Variants in ANK3 observed in about 807,000 individuals in gnomAD.
The protein encoded by ANK3 is ankyrin 3, also known as ankyrin-3.
Under a neutral mutation model 370.9 loss-of-function variants are expected in ANK3, and 57 were observed. That is an observed-to-expected ratio of 0.15 (90% CI 0.12 to 0.19). ANK3 has a LOEUF of 0.19. Ranked by LOEUF, ANK3 falls within the 10% of genes least tolerant of loss-of-function variation. The pLI is 1.00. For missense variants in ANK3, 4,439 were observed against 5,302.1 expected (o/e 0.84, Z 5.06); for synonymous variants, 1,929 against 1,946.3 (o/e 0.99, Z 0.23).
intron 1 of ANK3, chr10:60,685,174 T>G (rs2079251198): frequency 4.1e-6 from 2 of 489,800 alleles, no homozygotes; most frequent in African/African-American, 4.0e-5. Context: ...CTGTCTGCCC[T>G]CCTGGATGCT....
At chr10:60,540,546 T>A (rs1160234658) in intron 2 of ANK3, among the ~76,000 whole-genome samples, 1 of 151,910 alleles carries the variant, frequency 6.6e-6, no homozygotes, top group African/African-American at 2.4e-5. Flanking sequence ...AACCATTTAC[T>A]GAGTTAATCC....
chr10:60,433,765 T>C (rs2064091179), intron 2 of ANK3, among the ~76,000 whole-genome samples: 1 of 152,188 alleles, frequency 6.6e-6, no homozygotes, highest in East Asian at 1.9e-4. Context: ...TCTTACTACA[T>C]CATCGAGATA....
chr10:60,093,225 C>T (rs1300791371), intron 28 of ANK3, among the ~76,000 whole-genome samples: 1 of 152,174 alleles, frequency 6.6e-6, no homozygotes, highest in Non-Finnish European at 1.5e-5. Context: ...AAGTTCATAA[C>T]TCATGCTGCA....
At chr10:60,215,749 G>A (rs954259216) in intron 8 of ANK3, among the ~76,000 whole-genome samples, 2 of 152,150 alleles carry the variant, frequency 1.3e-5, no homozygotes, top group Non-Finnish European at 2.9e-5. Flanking sequence ...GGTTACTGTA[G>A]CCTTGTAGTG....
intron 26 of ANK3, among the ~76,000 whole-genome samples, chr10:60,111,119 G>A (rs10994202): frequency 0.013 from 2,039 of 152,266 alleles, 44 homozygotes; most frequent in African/African-American, 0.047. Flanking sequence ...TGGATTGATG[G>A]GTGGATAGAT....
At chr10:60,358,898 A>C (rs569966853) in intron 1 of ANK3, among the ~76,000 whole-genome samples, 10 of 152,018 alleles carry the variant, frequency 6.6e-5, no homozygotes, top group African/African-American at 2.4e-4. Context: ...CTCAAATGTC[A>C]TCTCTTCTGA....
Position 60,673,234 on chromosome 10 carries a change from C to T in ANK3, c.58-58010G>A, listed in dbSNP as rs530514828. Among the ~76,000 whole-genome samples, 17 of 152,046 alleles carry T rather than the reference C, an allele frequency of 1.1e-4. 1 individual carries two copies. The highest frequency in any genetic ancestry group is 1.0e-3 in the Admixed American group (16 of 15,266). On this transcript the variant is annotated intron_variant, in intron 1 of 43. Coordinates refer to the ANK3 transcript ENST00000373827. ...ATAGGCACAGAAGAGGAAAGACATTCATGAGAGATTAGAAGGTCCCATTCC... is the reference window on the plus strand; with the variant it reads ...ATAGGCACAGAAGAGGAAAGACATTTATGAGAGATTAGAAGGTCCCATTCC...
intron 23 of ANK3, among the ~76,000 whole-genome samples, chr10:60,154,659 G>A (rs1002747805): frequency 6.6e-6 from 1 of 152,232 alleles, no homozygotes; most frequent in East Asian, 1.9e-4. Context: ...GCCAGGCATG[G>A]TGGTGGGCGC....
At chr10:60,410,989 T>G (rs1319426247) in intron 2 of ANK3, among the ~76,000 whole-genome samples, 1 of 152,100 alleles carries the variant, frequency 6.6e-6, no homozygotes, top group African/African-American at 2.4e-5. Flanking sequence ...CATCCAATCT[T>G]TATCCCTCTC....
chr10:60,274,739 T>C (rs1380452), intron 4 of ANK3, among the ~76,000 whole-genome samples: 73,945 of 152,016 alleles, frequency 0.49, 18,153 homozygotes, highest in East Asian at 0.65. Flanking sequence ...TTCTATTCTC[T>C]GTGTTCCTTA....
At chr10:60,223,432 T>C (rs543618145) in intron 8 of ANK3, among the ~76,000 whole-genome samples, 56 of 152,340 alleles carry the variant, frequency 3.7e-4, no homozygotes, top group African/African-American at 1.3e-3. Context: ...CTTACAAGTA[T>C]CATGAATAAT....
At position 60,029,582 on chromosome 10, in the gene ANK3, A is replaced by G. The variant is rs1006787382; in HGVS notation, c.*264T>C. The G allele has an allele frequency of 6.6e-6, 1 of 152,602 alleles. No homozygotes were observed. The highest frequency in any genetic ancestry group is 2.4e-5 in the African/African-American group (1 of 41,434). The allele number at this position is 152,602 out of a possible 1,614,324, so 9.5% of individuals were successfully genotyped here. On this transcript the variant is annotated 3_prime_UTR_variant, in exon 44 of 44. Coordinates refer to ENST00000280772, the MANE Select transcript of ANK3 (RefSeq NM_020987.5). ...AACTGTTAACAGCATGGCTTCTTGT[A>G]TATACACTGCATTGCTAATTGCACA...
chr10:60,565,133 T>C (rs2077427516), intron 2 of ANK3, among the ~76,000 whole-genome samples: 1 of 151,944 alleles, frequency 6.6e-6, no homozygotes, highest in Non-Finnish European at 1.5e-5. Flanking sequence ...TTCTACCAAA[T>C]AGTTGGGATG....
rs537605048 is a variant in ANK3, at chr10:60,429,006, T to C, written c.97-149367A>G. Among the ~76,000 whole-genome samples, 130 of 145,226 alleles carry C rather than the reference T, an allele frequency of 9.0e-4. 1 individual carries two copies. Among genetic ancestry groups the C allele is most frequent in the Non-Finnish European group, 1.6e-3 (105 of 66,772 alleles). ...GTTATTGGATAATATAAATAACTTA[T>C]GTATTTGGAGCCCAAAAGTTCAGTG... On this transcript the variant is annotated intron_variant, in intron 2 of 43. Transcript: ENST00000373827.
At chr10:60,129,088 G>T (rs2093929731) in intron 25 of ANK3, among the ~76,000 whole-genome samples, 1 of 152,180 alleles carries the variant, frequency 6.6e-6, no homozygotes, top group Non-Finnish European at 1.5e-5. Context: ...TCCAAGCACA[G>T]GTGTTGCTCT....
chr10:60,513,172 T>A (rs1052511868), intron 2 of ANK3, among the ~76,000 whole-genome samples: 6 of 152,132 alleles, frequency 3.9e-5, no homozygotes, highest in African/African-American at 1.2e-4. Flanking sequence ...CATCTTTGTA[T>A]TTCTAGCATC....
chr10:60,030,714 G>A (rs1273625222), intron 43 of ANK3, among the ~76,000 whole-genome samples: 1 of 152,174 alleles, frequency 6.6e-6, no homozygotes, highest in African/African-American at 2.4e-5. Context: ...CCAGCTTGGA[G>A]AGACAGATTT....
At chr10:60,225,508 G>T (rs1339678960) in intron 8 of ANK3, among the ~76,000 whole-genome samples, 2 of 152,094 alleles carry the variant, frequency 1.3e-5, no homozygotes, top group Non-Finnish European at 2.9e-5. Context: ...TTACATTCAG[G>T]ATTGCCTCCC....
chr10:60,419,623 G>C (rs1464630869), intron 2 of ANK3, among the ~76,000 whole-genome samples: 1 of 152,146 alleles, frequency 6.6e-6, no homozygotes, highest in Non-Finnish European at 1.5e-5. Flanking sequence ...TGATATGTTG[G>C]ATGCCCTCTT....
Sources: gnomAD v4.1 joint callset for allele counts (sites outside exome capture counted in the v4.1 genomes callset) on GRCh38, gnomAD v4.1.1 for gene constraint, MANE v1.5 for transcripts, NCBI Gene and HGNC (gene_info 2026-07-23, HGNC 2026-07-21) for gene names.